TASP1: variants seen among roughly 807,000 people sequenced by gnomAD.
TASP1 encodes taspase 1.
Under a neutral mutation model 56.6 loss-of-function variants are expected in TASP1, and 16 were observed. The ratio of observed to expected loss-of-function variants is 0.28; its 90% CI spans 0.19 to 0.43. The LOEUF (loss-of-function observed/expected upper bound fraction) is 0.43. Among genes scored for constraint, TASP1 ranks in the 20% least tolerant of loss-of-function variants. TASP1 has a pLI of 1.00. For missense variants in TASP1, 393 were observed against 511.6 expected (o/e 0.77, Z 2.24); for synonymous variants, 179 against 184.2 (o/e 0.97, Z 0.23).
intron 4 of TASP1, among the ~76,000 whole-genome samples, chr20:13,603,128 G>C (rs540779830): frequency 6.6e-6 from 1 of 152,256 alleles, no homozygotes; most frequent in Non-Finnish European, 1.5e-5. Context: ...CTACTCTGGA[G>C]ACTGAGGCTA....
chr20:13,596,918 C>T (rs1032008806), intron 4 of TASP1, among the ~76,000 whole-genome samples: 1 of 152,152 alleles, frequency 6.6e-6, no homozygotes, highest in African/African-American at 2.4e-5. Flanking sequence ...TATGCAAACA[C>T]ATTGGAAAAT....
chr20:13,211,715 C>T, the TASP1 span, among the ~76,000 whole-genome samples: 3 of 152,132 alleles, frequency 2.0e-5, no homozygotes, highest in African/African-American at 7.2e-5. Context: ...CCAATCCTGA[C>T]TCATTGGCAC....
intron 12 of TASP1, among the ~76,000 whole-genome samples, chr20:13,421,095 T>C (rs1183385526): frequency 6.7e-6 from 1 of 149,222 alleles, no homozygotes; most frequent in Non-Finnish European, 1.5e-5. Flanking sequence ...AAAGTATTTA[T>C]AGCGTTTTCC....
chr20:13,238,288 G>A, the TASP1 span, among the ~76,000 whole-genome samples: 1 of 152,110 alleles, frequency 6.6e-6, no homozygotes, highest in African/African-American at 2.4e-5. Flanking sequence ...TTATGCTCTA[G>A]CCCTCTCCCT....
intron 13 of TASP1, among the ~76,000 whole-genome samples, chr20:13,394,400 G>A (rs1480394849): frequency 2.6e-5 from 4 of 151,216 alleles, no homozygotes; most frequent in African/African-American, 9.7e-5. Flanking sequence ...CACGAGGTCA[G>A]GAGTTTGAGA....
the TASP1 span, among the ~76,000 whole-genome samples, chr20:13,297,241 A>G: frequency 7.9e-5 from 12 of 152,092 alleles, no homozygotes; most frequent in African/African-American, 1.7e-4. Context: ...CCTAACCTTC[A>G]CTGTTTTCCA....
At chr20:13,573,274 G>C (rs772427148) in intron 6 of TASP1, among the ~76,000 whole-genome samples, 1 of 152,124 alleles carries the variant, frequency 6.6e-6, no homozygotes, top group Non-Finnish European at 1.5e-5. Flanking sequence ...CCAAGGTATT[G>C]GGATTGCATT....
the TASP1 span, among the ~76,000 whole-genome samples, chr20:13,247,514 A>AGGGG: frequency 1.7e-3 from 221 of 127,404 alleles, no homozygotes; most frequent in African/African-American, 5.7e-3. Context: ...CAGCAAAGTG[A>AGGGG]GGGGTGTGTG....
At chr20:13,343,838 A>G in the TASP1 span, among the ~76,000 whole-genome samples, 1 of 152,116 alleles carries the variant, frequency 6.6e-6, no homozygotes, top group Admixed American at 6.5e-5. Flanking sequence ...CAACAAGTGG[A>G]ATCTATTCCT....
At chr20:13,218,363 G>C in the TASP1 span, among the ~76,000 whole-genome samples, 3 of 151,962 alleles carry the variant, frequency 2.0e-5, no homozygotes, top group Admixed American at 6.6e-5. Context: ...GCTCTTCACA[G>C]CCCAAACCTA....
the TASP1 span, among the ~76,000 whole-genome samples, chr20:13,134,663 G>C: frequency 2.0e-5 from 3 of 152,200 alleles, no homozygotes; most frequent in South Asian, 6.2e-4. Flanking sequence ...TGATAACCAT[G>C]TTTCTACGTA....
chr20:13,422,050 C>A (rs1229299866), intron 12 of TASP1, among the ~76,000 whole-genome samples: 1 of 148,012 alleles, frequency 6.8e-6, no homozygotes, highest in Non-Finnish European at 1.5e-5. Context: ...CTCCCGGGTT[C>A]ACGCCATTCT....
At chr20:13,549,891 T>A (rs1249644962) in intron 8 of TASP1, among the ~76,000 whole-genome samples, 1 of 152,152 alleles carries the variant, frequency 6.6e-6, no homozygotes, top group African/African-American at 2.4e-5. Flanking sequence ...GCCGACAATA[T>A]CTGATGTCAA....
At chr20:13,563,781 AG>A (rs368791671) in intron 7 of TASP1, among the ~76,000 whole-genome samples, 21 of 152,000 alleles carry the variant, frequency 1.4e-4, no homozygotes, top group African/African-American at 5.1e-4. Context: ...CTGGGATTAT[AG>A]GCAAGAGCCA....
At chr20:13,364,654 A>G in the TASP1 span, among the ~76,000 whole-genome samples, 2 of 152,136 alleles carry the variant, frequency 1.3e-5, no homozygotes, top group Non-Finnish European at 2.9e-5. Flanking sequence ...AGATGGGTCA[A>G]CTTGGTATCT....
At chr20:13,453,431 G>A (rs6033712) in intron 11 of TASP1, among the ~76,000 whole-genome samples, 13,888 of 152,034 alleles carry the variant, frequency 0.091, 1,212 homozygotes, top group African/African-American at 0.23. Flanking sequence ...CTGTTTAATG[G>A]AATTCCAATA....
chr20:13,553,093 G>C (rs1192721930), intron 8 of TASP1, among the ~76,000 whole-genome samples: 1 of 151,998 alleles, frequency 6.6e-6, no homozygotes, highest in East Asian at 1.9e-4. Flanking sequence ...ATGCCACCAT[G>C]CCCAGCCAGT....
intron 4 of TASP1, among the ~76,000 whole-genome samples, chr20:13,609,580 G>A (rs1290063927): frequency 3.3e-5 from 5 of 151,522 alleles, no homozygotes; most frequent in South Asian, 4.2e-4. Context: ...CCCAGCTACT[G>A]GGGAGGCTGA....
chr20:13,232,073 A>G, the TASP1 span, among the ~76,000 whole-genome samples: 22,713 of 152,260 alleles, frequency 0.15, 1,756 homozygotes, highest in East Asian at 0.24. Flanking sequence ...CAAATAACAG[A>G]CATGCCTTGC....
Sources: gnomAD v4.1 joint callset for allele counts (sites outside exome capture counted in the v4.1 genomes callset) on GRCh38, gnomAD v4.1.1 for gene constraint, MANE v1.5 for transcripts, NCBI Gene and HGNC (gene_info 2026-07-23, HGNC 2026-07-21) for gene names.